Variants in ASTN1 observed in about 807,000 individuals in gnomAD.
ASTN1 encodes astrotactin 1, also known as astrotactin-1.
A neutral mutation model predicts 140.7 loss-of-function variants in ASTN1; 41 were observed. The observed-to-expected ratio is 0.29, with a 90% confidence interval of 0.23 to 0.38. ASTN1 has a LOEUF of 0.38. Among genes scored for constraint, ASTN1 ranks in the 10% least tolerant of loss-of-function variants. The pLI is 1.00. For missense variants in ASTN1, 1,479 were observed against 1,678.8 expected, an observed-to-expected ratio of 0.88 and a Z score of 2.08; for synonymous variants, 640 against 652.2, an observed-to-expected ratio of 0.98 and a Z score of 0.29.
chr1:177,093,228 C>A (rs936677448), intron 1 of ASTN1, among the ~76,000 whole-genome samples: 2 of 152,198 alleles, frequency 1.3e-5, no homozygotes, highest in South Asian at 2.1e-4. Flanking sequence ...CTTAGTTGGA[C>A]TAGCATTCTG....
intron 2 of ASTN1, among the ~76,000 whole-genome samples, chr1:177,049,238 A>G (rs568960746): frequency 1.3e-5 from 2 of 152,252 alleles, no homozygotes; most frequent in East Asian, 1.9e-4. Context: ...GACATAGCCC[A>G]CCTATGTGCT....
chr1:176,973,074 T>C (rs548655013), intron 8 of ASTN1, among the ~76,000 whole-genome samples: 1 of 152,152 alleles, frequency 6.6e-6, no homozygotes, highest in Non-Finnish European at 1.5e-5. Context: ...GTCACTCAGC[T>C]CTTTGACCTT....
chr1:176,969,647 G>A (rs1673049524), intron 8 of ASTN1, among the ~76,000 whole-genome samples: 1 of 152,160 alleles, frequency 6.6e-6, no homozygotes, highest in South Asian at 2.1e-4. Flanking sequence ...CTAGGCCATC[G>A]AGGAGCCCAT....
chr1:177,160,063 T>G (rs918891765), intron 1 of ASTN1, among the ~76,000 whole-genome samples: 6 of 152,248 alleles, frequency 3.9e-5, no homozygotes, highest in Non-Finnish European at 8.8e-5. Flanking sequence ...TAGGTGAGTG[T>G]GCTTTCCCTA....
chr1:177,039,649 A>G (rs1676881105), intron 2 of ASTN1, among the ~76,000 whole-genome samples: 1 of 152,222 alleles, frequency 6.6e-6, no homozygotes, highest in Non-Finnish European at 1.5e-5. Context: ...AGGGCTAAAC[A>G]GCTGTGTAAT....
chr1:177,064,766 G>A (rs1039517488), intron 1 of ASTN1, among the ~76,000 whole-genome samples: 12 of 152,236 alleles, frequency 7.9e-5, no homozygotes, highest in African/African-American at 2.9e-4. Flanking sequence ...ATTACCTAAT[G>A]ATAGCTTCTT....
At chr1:176,877,054 T>C (rs1051798472) in intron 20 of ASTN1, among the ~76,000 whole-genome samples, 3 of 152,132 alleles carry the variant, frequency 2.0e-5, no homozygotes, top group Non-Finnish European at 4.4e-5. Context: ...CTGGTGCCTG[T>C]TAAACTTTGA....
At chr1:176,912,955 C>T (rs1377534622) in intron 16 of ASTN1, among the ~76,000 whole-genome samples, 1 of 152,122 alleles carries the variant, frequency 6.6e-6, no homozygotes, top group Admixed American at 6.5e-5. Context: ...AAAAGAACAG[C>T]CTTCTAGCAT....
chr1:176,961,266 G>A (rs1410664348), intron 9 of ASTN1, among the ~76,000 whole-genome samples: 4 of 152,132 alleles, frequency 2.6e-5, no homozygotes, highest in African/African-American at 4.8e-5. Flanking sequence ...GGGTTTAAAC[G>A]GATTTAAAGG....
intron 1 of ASTN1, among the ~76,000 whole-genome samples, chr1:177,129,670 T>C (rs1262422432): frequency 1.3e-5 from 2 of 152,230 alleles, no homozygotes; most frequent in African/African-American, 2.4e-5. Context: ...CATCTTCTAA[T>C]GTTAACAAGA....
chr1:177,081,120 T>C (rs1679160572), intron 1 of ASTN1, among the ~76,000 whole-genome samples: 1 of 152,114 alleles, frequency 6.6e-6, no homozygotes, highest in Non-Finnish European at 1.5e-5. Flanking sequence ...ATAGAGAAAA[T>C]GCATTGGTGG....
intron 4 of ASTN1, 25 bp downstream of exon 4, chr1:177,030,780 CG>C: frequency 6.2e-7 from 1 of 1,613,542 alleles, no homozygotes. Flanking sequence ...AATCCACCCA[CG>C]AGCCCTAATG....
At chr1:177,115,981 T>C (rs980548315) in intron 1 of ASTN1, among the ~76,000 whole-genome samples, 1 of 152,232 alleles carries the variant, frequency 6.6e-6, no homozygotes, top group East Asian at 1.9e-4. Flanking sequence ...TTAATATCTT[T>C]ACATGATGAA....
intron 1 of ASTN1, among the ~76,000 whole-genome samples, chr1:177,139,402 A>G (rs1393580248): frequency 6.6e-6 from 1 of 152,238 alleles, no homozygotes; most frequent in Non-Finnish European, 1.5e-5. Flanking sequence ...TACTATTTCA[A>G]GGGGCAACGA....
chr1:177,094,867 C>A (rs147906367), intron 1 of ASTN1, among the ~76,000 whole-genome samples: 12 of 152,082 alleles, frequency 7.9e-5, no homozygotes, highest in Non-Finnish European at 1.5e-4. Flanking sequence ...GTACAGAAAG[C>A]CTTCATCTTC....
intron 1 of ASTN1, among the ~76,000 whole-genome samples, chr1:177,068,088 C>T (rs1348883668): frequency 6.6e-6 from 1 of 152,156 alleles, no homozygotes; most frequent in Non-Finnish European, 1.5e-5. Context: ...CTATATTGGC[C>T]TGGCTAAGTG....
chr1:177,100,728 T>C (rs1227507987), intron 1 of ASTN1, among the ~76,000 whole-genome samples: 1 of 152,188 alleles, frequency 6.6e-6, no homozygotes, highest in Non-Finnish European at 1.5e-5. Context: ...TAAGTATAAG[T>C]TGATTACTGA....
chr1:177,060,650 G>A lies in ASTN1; in HGVS notation c.471+428C>T, dbSNP rs113926503. 1.2e-3 allele frequency among the ~76,000 whole-genome samples: 182 copies of A among 152,216 alleles called. 1 individual carries two copies. Among genetic ancestry groups the A allele is most frequent in the African/African-American group, 3.9e-3 (160 of 41,558 alleles). On this transcript the variant is annotated intron_variant, in intron 2 of 22. Coordinates refer to ENST00000361833, the MANE Select transcript of ASTN1 (RefSeq NM_004319.3). The stretch of plus-strand genomic sequence containing the variant: ...CTCAGCCTCCCAAGTAGCTGGGACT[G>A]CAGGTGTGCCCAGCTAAGTTTTGTA...
Position 177,118,388 on chromosome 1 carries a change from T to C in ASTN1, c.283+46006A>G, listed in dbSNP as rs138382423. The stretch of plus-strand genomic sequence containing the variant: ...GTGTTCATGGGATGACTGGCATTGA[T>C]CCTAGGGGGGCTGTGGAATATGACT... On this transcript the variant is annotated intron_variant, in intron 1 of 22. Coordinates refer to ENST00000361833, the MANE Select transcript of ASTN1 (RefSeq NM_004319.3). Among the ~76,000 whole-genome samples the C allele has an allele frequency of 4.4e-3, 673 of 152,266 alleles. 7 individuals are homozygous for C. Among genetic ancestry groups the C allele is most frequent in the African/African-American group, 0.016 (645 of 41,542 alleles).
Sources: allele counts gnomAD v4.1 joint callset (sites outside exome capture counted in the v4.1 genomes callset), GRCh38; gene constraint gnomAD v4.1.1; transcripts MANE v1.5; gene names NCBI Gene and HGNC (gene_info 2026-07-23, HGNC 2026-07-21).